OTUD4: variants seen among roughly 807,000 people sequenced by gnomAD.
OTUD4 encodes OTU domain-containing protein 4.
Under a neutral mutation model 130.4 loss-of-function variants are expected in OTUD4, and 24 were observed. The ratio of observed to expected loss-of-function variants is 0.18; its 90% CI spans 0.13 to 0.26. The LOEUF (loss-of-function observed/expected upper bound fraction) is 0.26, where lower values mean the gene tolerates loss of function less well. Among genes scored for constraint, OTUD4 ranks in the 10% least tolerant of loss-of-function variants. The probability of loss-of-function intolerance (pLI) is 1.00; values close to 1 mark genes in which losing one functional copy is unlikely to be tolerated. For synonymous variants in OTUD4, 420 were observed against 472.5 expected (o/e 0.89, Z 1.44); for missense variants, 1,031 against 1,329.4 (o/e 0.78, Z 3.49).
In OTUD4 at chr4:145,179,958, C is replaced by G; in HGVS notation, c.16G>C (p.Gly6Arg). MEAAV[G>R]VPDGGDQGGA... ...CCCTGGTCCCCGCCGTCGGGGACGCCGACGGCAGCCTCCATGTTGCTGGTC... is the reference window on the plus strand; with the variant it reads ...CCCTGGTCCCCGCCGTCGGGGACGCGGACGGCAGCCTCCATGTTGCTGGTC... Residue 6 changes from glycine (G) to arginine (R), a missense_variant, in exon 1 of 21, where the codon GGC becomes CGC. By Grantham distance (125) the Gly-to-Arg change is moderately radical. This residue lies in a region of OTUD4 where 54 missense variants were observed against 60.6 expected (regional missense o/e 0.89). Transcript: ENST00000447906. The G allele has an allele frequency of 2.0e-6, 3 of 1,519,454 alleles. No homozygotes were observed. Among genetic ancestry groups the G allele is most frequent in the Admixed American group, 2.0e-5 (1 of 49,340 alleles). 94.1% of individuals were successfully genotyped at this position (1,519,454 alleles called of 1,614,324 possible). A position where few individuals can be genotyped will look rare whatever the true frequency, so the allele number is the denominator to read the frequency against.
In OTUD4 at chr4:145,179,850, C is replaced by T; in HGVS notation, c.124G>A (p.Asp42Asn). Residue 42 changes from aspartate to asparagine, a missense_variant, in exon 1 of 21, where the codon GAC (aspartate) becomes AAC (asparagine). Asp to Asn is a conservative substitution (Grantham distance 23). Transcript: ENST00000447906. ...ACGGCCCGGAACAGGCACGACCCGT[C>T]CTTGGCGACCAGTTTCCGATACAAG... ...LGLYRKLVAK[D>N]GSCLFRAVAE... The T allele has an allele frequency of 1.3e-6, 2 of 1,526,950 alleles. No homozygotes were observed. The highest frequency in any genetic ancestry group is 1.7e-6 in the Non-Finnish European group (2 of 1,143,616). The allele number at this position is 1,526,950 out of a possible 1,614,324, so 94.6% of individuals were successfully genotyped here.
At chr4:145,165,274 T>G in intron 3 of OTUD4, 77 bp from the exon 4 acceptor site, 1 of 852,046 alleles carries the variant, frequency 1.2e-6, no homozygotes, top group Non-Finnish European at 2.0e-6. Context: ...ATACATACCT[T>G]CATACAGCAT....
chr4:145,154,560 TTTTG>T (rs1455374218), intron 10 of OTUD4, among the ~76,000 whole-genome samples: 2 of 152,060 alleles, frequency 1.3e-5, no homozygotes, highest in Admixed American at 6.6e-5. Flanking sequence ...TATGTGGGGG[TTTTG>T]TTTTTGTTTT....
At position 145,138,596 on chromosome 4, in the gene OTUD4, C is replaced by T; in HGVS notation, c.2179G>A (p.Ala727Thr). The T allele has an allele frequency of 6.2e-7, 1 of 1,613,804 alleles. No individual in the cohort carries two copies. The highest frequency in any genetic ancestry group is 8.5e-7 in the Non-Finnish European group (1 of 1,179,826). ...PHSYLYPLHQ[A>T]YLAACRMYPK... ...TACATCCTGCAGGCTGCCAGGTAGGCCTGGTGCAGAGGGTACAGGTAAGAA... is the reference window on the plus strand; with the variant it reads ...TACATCCTGCAGGCTGCCAGGTAGGTCTGGTGCAGAGGGTACAGGTAAGAA... The change falls in exon 21 of 21, where the codon GCC becomes ACC. Residue 727 changes from alanine to threonine, a missense_variant. Transcript: ENST00000447906.
chr4:145,179,534 G>C, intron 1 of OTUD4: 1 of 1,082,180 alleles, frequency 9.2e-7, no homozygotes. Flanking sequence ...TAAATCAACT[G>C]TACAAGCTCC....
chr4:145,142,105 C>G (rs1750593479), intron 18 of OTUD4, 91 bp downstream of exon 18: 1 of 1,129,822 alleles, frequency 8.9e-7, no homozygotes, highest in Non-Finnish European at 1.3e-6. Context: ...ACACCTAATC[C>G]TGCTCAGAGG....
rs888375409 is a variant in OTUD4 at position 145,145,847 on chromosome 4, A to G, written c.1422+420T>C. On this transcript the variant is annotated intron_variant, in intron 14 of 20. Coordinates refer to ENST00000447906, the MANE Select transcript of OTUD4 (RefSeq NM_001366057.1). ...ACACATGGAGAAAGGACAAAGCCAC[A>G]GGATGACATGTGCTACCACCTCCAA... Among the ~76,000 whole-genome samples the G allele has an allele frequency of 3.3e-5, 5 of 152,242 alleles. No individual in the cohort carries two copies. In the East Asian group the frequency reaches 9.6e-4, roughly 29 times the overall value.
intron 6 of OTUD4, 73 bp from the exon 7 acceptor site, chr4:145,159,708 CATTGTAACTTTCT>C: frequency 7.2e-7 from 1 of 1,391,944 alleles, no homozygotes; most frequent in Non-Finnish European, 1.0e-6. Flanking sequence ...CAGACCATCA[CATTGTAACTTTCT>C]ATTGCTCAGG....
At chr4:145,162,163 T>A (rs1451943829) in intron 6 of OTUD4, among the ~76,000 whole-genome samples, 2 of 152,080 alleles carry the variant, frequency 1.3e-5, no homozygotes, top group Admixed American at 6.6e-5. Flanking sequence ...GCAACAAGTT[T>A]TTATTATAAT....
intron 1 of OTUD4, among the ~76,000 whole-genome samples, chr4:145,175,287 T>C (rs1752363625): frequency 6.6e-6 from 1 of 150,772 alleles, no homozygotes; most frequent in East Asian, 1.9e-4. Flanking sequence ...CTTTCCTTGG[T>C]GATCAAGCTT....
chr4:145,159,089 A>G (rs1444075603), intron 7 of OTUD4: 10 of 990,582 alleles, frequency 1.0e-5, no homozygotes, highest in Non-Finnish European at 1.1e-5. Context: ...TGGAACTTTC[A>G]TTATCTAAAA....
Position 145,137,638 on chromosome 4 carries a change from G to A in OTUD4, c.3137C>T (p.Thr1046Ile). The A allele has an allele frequency of 1.2e-6, 2 of 1,613,068 alleles. No individual in the cohort carries two copies. Among genetic ancestry groups the A allele is most frequent in the Non-Finnish European group, 1.7e-6 (2 of 1,179,448 alleles). ...ACTTTTGTACTTCCTGCTTCCATAA[G>A]TTTGATTATAGAACTGCTTGGATCT... ...SGRSKQFYNQ[T>I]YGSRKYKSDW... The change falls in exon 21 of 21, where the codon ACT (threonine) becomes ATT (isoleucine). Residue 1046 changes from threonine to isoleucine, a missense_variant. Around this residue, in one of 3 missense-constraint regions of OTUD4, gnomAD observed 900 missense variants for 1,095.9 expected, o/e 0.82. Coordinates refer to ENST00000447906, the MANE Select transcript of OTUD4 (RefSeq NM_001366057.1).
chr4:145,167,691 T>A (rs1014541658), intron 3 of OTUD4, among the ~76,000 whole-genome samples: 7 of 152,070 alleles, frequency 4.6e-5, no homozygotes, highest in African/African-American at 1.7e-4. Flanking sequence ...ACCCCATCTC[T>A]ACTAAAAAAT....
intron 2 of OTUD4, 105 bp downstream of exon 2, chr4:145,174,556 A>G (rs988045843): frequency 4.5e-6 from 3 of 668,034 alleles, no homozygotes; most frequent in Admixed American, 2.4e-5. Context: ...TTATTTTCAT[A>G]ACCCGCATTA....
intron 19 of OTUD4, among the ~76,000 whole-genome samples, chr4:145,140,807 T>C (rs1750520292): frequency 6.6e-6 from 1 of 151,902 alleles, no homozygotes; most frequent in South Asian, 2.1e-4. Flanking sequence ...TCCATTTATG[T>C]AAAAACACAG....
chr4:145,159,981 G>A (rs1751479928), intron 6 of OTUD4, among the ~76,000 whole-genome samples: 2 of 152,194 alleles, frequency 1.3e-5, no homozygotes, highest in African/African-American at 2.4e-5. Flanking sequence ...TCCACACACT[G>A]TGCAGCTTTA....
At position 145,138,020 on chromosome 4, in the gene OTUD4, G is replaced by A. The variant is rs1750368304; in HGVS notation, c.2755C>T (p.His919Tyr). 1 of 1,614,056 alleles carries A rather than the reference G, an allele frequency of 6.2e-7. No individual in the cohort carries two copies. The highest frequency in any genetic ancestry group is 1.1e-5 in the South Asian group (1 of 91,090). ...VDEFPEARGE[H>Y]VHSLPEASVS... is the part of the protein sequence containing the mutation. ...CTTGCTTCAGGGAGAGAATGTACATGTTCACCCCTGGCTTCTGGAAACTCA... is the reference window on the plus strand; with the variant it reads ...CTTGCTTCAGGGAGAGAATGTACATATTCACCCCTGGCTTCTGGAAACTCA... Residue 919 changes from histidine to tyrosine, a missense_variant, in exon 21 of 21, where the codon CAT (histidine) becomes TAT (tyrosine). Physicochemically the swap from His to Tyr is moderately conservative, Grantham distance 83 (BLOSUM62 2). Around this residue, in one of 3 missense-constraint regions of OTUD4, gnomAD observed 900 missense variants for 1,095.9 expected, o/e 0.82. Transcript: ENST00000447906.
intron 5 of OTUD4, 45 bp downstream of exon 5, chr4:145,164,109 G>T (rs1480014077): frequency 2.5e-6 from 2 of 815,172 alleles, no homozygotes; most frequent in Admixed American, 2.4e-5. Flanking sequence ...GCAACTAAGC[G>T]GTTCTTTTAC....
intron 15 of OTUD4, 78 bp downstream of exon 15, chr4:145,144,231 TTC>T: frequency 6.8e-7 from 1 of 1,465,980 alleles, no homozygotes; most frequent in Admixed American, 2.2e-5. Context: ...TTAAAAAGGG[TTC>T]TTTCCCAAAT....
Sources: gnomAD v4.1 joint callset for allele counts (sites outside exome capture counted in the v4.1 genomes callset) on GRCh38, gnomAD v4.1.1 for gene constraint, gnomAD v4.1.1 regional missense constraint, MANE v1.5 for transcripts, NCBI Gene and HGNC (gene_info 2026-07-23, HGNC 2026-07-21) for gene names.